PRR5: variants seen among roughly 807,000 people sequenced by gnomAD.
PRR5 encodes proline-rich protein 5.
PRR5 carries 25 observed loss-of-function variants against 30.6 expected under a neutral mutation model. The ratio of observed to expected loss-of-function variants is 0.82; its 90% confidence interval spans 0.60 to 1.14. PRR5 has a LOEUF of 1.14. PRR5 is among the 50% of genes most tolerant of loss of function. PRR5 has a pLI of 0.00. For synonymous variants in PRR5, 286 were observed against 247.1 expected, an observed-to-expected ratio of 1.16 and a Z score of -1.48; for missense variants, 600 against 547.1, an observed-to-expected ratio of 1.10 and a Z score of -0.96.
intron 2 of PRR5, among the ~76,000 whole-genome samples, chr22:44,715,466 G>A (rs1047868183): frequency 6.6e-6 from 1 of 152,216 alleles, no homozygotes; most frequent in African/African-American, 2.4e-5. Context: ...ACCCTGTGTG[G>A]CAAAGCTGAA....
intron 2 of PRR5, among the ~76,000 whole-genome samples, chr22:44,720,588 G>T (rs887465700): frequency 6.6e-6 from 1 of 152,176 alleles, no homozygotes; most frequent in Admixed American, 6.5e-5. Context: ...AGCATTCATT[G>T]TGAGCACCCA....
At chr22:44,673,496 C>T (rs1244933777), upstream of PRR5, among the ~76,000 whole-genome samples, 1 of 152,156 alleles carries the variant, frequency 6.6e-6, no homozygotes, top group Admixed American at 6.5e-5. Flanking sequence ...TTGTACAGAC[C>T]AGGAGGGTAG....
chr22:44,696,411 C>A (rs985257878), intron 1 of PRR5, among the ~76,000 whole-genome samples: 1 of 152,116 alleles, frequency 6.6e-6, no homozygotes, highest in Non-Finnish European at 1.5e-5. Flanking sequence ...CTTTGGAAAC[C>A]GATTGGTGTT....
chr22:44,669,742 G>A (rs1300044318), intron 1 of PRR5, among the ~76,000 whole-genome samples: 1 of 152,206 alleles, frequency 6.6e-6, no homozygotes, highest in Non-Finnish European at 1.5e-5. Context: ...CCAGTGGCAT[G>A]GGTGGGAGTG....
chr22:44,669,078 C>G (rs1381566100), intron 1 of PRR5, among the ~76,000 whole-genome samples: 1 of 150,074 alleles, frequency 6.7e-6, no homozygotes, highest in Non-Finnish European at 1.5e-5. Flanking sequence ...CGGGACCTCC[C>G]GAGCTCGTTC....
chr22:44,713,655 C>T (rs1052417648), intron 1 of PRR5, among the ~76,000 whole-genome samples: 1 of 152,232 alleles, frequency 6.6e-6, no homozygotes, highest in African/African-American at 2.4e-5. Context: ...CGTGAACCGC[C>T]ATGCCCGGCT....
intron 4 of PRR5, chr22:44,730,732 C>T (rs1324010353): frequency 2.2e-6 from 2 of 928,516 alleles, no homozygotes; most frequent in Non-Finnish European, 1.3e-6. Context: ...CCTCTTCTTC[C>T]TTCGACGTGG....
At chr22:44,714,499 CTAGG>C in intron 1 of PRR5, 88 bp from the exon 2 acceptor site, 2 of 1,532,440 alleles carry the variant, frequency 1.3e-6, no homozygotes, top group Non-Finnish European at 1.8e-6. Flanking sequence ...TCCTGCCCTT[CTAGG>C]AGAGAGGGAA....
At chr22:44,702,654 G>C (rs1273555546) in intron 1 of PRR5, 46 bp downstream of exon 1, 1 of 1,263,476 alleles carries the variant, frequency 7.9e-7, no homozygotes, top group Non-Finnish European at 1.0e-6. Flanking sequence ...GGAGCCGGGG[G>C]AGGGGACCCC....
At position 44,737,453 on chromosome 22, in the gene PRR5, C is replaced by G. The variant is rs11912425; in HGVS notation, c.*206C>G. The G allele has an allele frequency of 6.0e-3, 6,779 of 1,132,654 alleles. 315 individuals carry two copies. The African/African-American group carries it at 0.093, about 15-fold the overall frequency. 70.2% of individuals were successfully genotyped at this position (1,132,654 alleles called of 1,614,324 possible). ...CTCGGCCCAGGTCTGTTTCAGGCAT[C>G]TGAGTCGGCGTTTACCCAGGGGCCG... is the stretch of plus-strand genomic sequence containing the variant. On this transcript the variant is annotated 3_prime_UTR_variant, in exon 8 of 8. Coordinates refer to ENST00000336985, the MANE Select transcript of PRR5 (RefSeq NM_181333.4).
chr22:44,679,166 C>T (rs954708162), intron 1 of PRR5, among the ~76,000 whole-genome samples: 13 of 152,168 alleles, frequency 8.5e-5, no homozygotes, highest in African/African-American at 3.1e-4. Context: ...GCAAACGCAG[C>T]ATTTATTCAT....
Position 44,735,132 on chromosome 22 carries a change from G to C in PRR5, c.661G>C (p.Glu221Gln). 6.2e-7 allele frequency: 1 copy of C among 1,613,120 alleles called. No homozygotes were observed. The highest frequency in any genetic ancestry group is 8.5e-7 in the Non-Finnish European group (1 of 1,179,892). Residue 221 changes from glutamate (E) to glutamine (Q), a missense_variant, in exon 7 of 8, where the codon GAG (glutamate) becomes CAG (glutamine). Transcript: ENST00000336985. ...GGGCACCTACGGCCTCCACTCCAGC[G>C]AGGGGCCCTTCACCCATTCCTGCAT... ...YLGTYGLHSSEGPFTHSCILE... is the reference protein window; with the variant it reads ...YLGTYGLHSSQGPFTHSCILE...
At chr22:44,689,667 G>T (rs953388066) in intron 1 of PRR5, among the ~76,000 whole-genome samples, 83 of 152,290 alleles carry the variant, frequency 5.5e-4, no homozygotes, top group African/African-American at 2.0e-3. Flanking sequence ...GTTTTGTTTT[G>T]AGACGGAGTC....
chr22:44,680,549 A>C (rs908571847), intron 1 of PRR5, among the ~76,000 whole-genome samples: 1 of 152,176 alleles, frequency 6.6e-6, no homozygotes, highest in Non-Finnish European at 1.5e-5. Flanking sequence ...CGCTGCCTCC[A>C]TGGAGGTCCC....
chr22:44,715,480 G>T (rs886640525), intron 2 of PRR5, among the ~76,000 whole-genome samples: 1 of 152,198 alleles, frequency 6.6e-6, no homozygotes, highest in African/African-American at 2.4e-5. Flanking sequence ...AGCTGAAGGG[G>T]CCCTTACATG....
chr22:44,669,194 A>G (rs1601937281), intron 1 of PRR5, among the ~76,000 whole-genome samples: 1 of 124,766 alleles, frequency 8.0e-6, no homozygotes, highest in African/African-American at 3.1e-5. Context: ...CCGTGTCCCC[A>G]TCTCCTTCCC....
At chr22:44,668,899 G>A (rs1262075853) in intron 1 of PRR5, 2 of 150,098 alleles carry the variant, frequency 1.3e-5, no homozygotes, top group Admixed American at 1.3e-4. Context: ...GGAAGGGGGG[G>A]CCCCGGGGCG....
chr22:44,731,670 T>G, intron 4 of PRR5, 60 bp from the exon 5 acceptor site: 1 of 1,546,154 alleles, frequency 6.5e-7, no homozygotes, highest in African/African-American at 1.4e-5. Flanking sequence ...CCATCCTGGG[T>G]GAGTGGAGGC....
intron 1 of PRR5, among the ~76,000 whole-genome samples, chr22:44,693,458 CAAA>C (rs1216543034): frequency 1.4e-5 from 2 of 147,764 alleles, no homozygotes; most frequent in Non-Finnish European, 3.0e-5. Flanking sequence ...GACCCTGTCT[CAAA>C]AAAAAAGTGT....
Sources: allele counts gnomAD v4.1 joint callset (sites outside exome capture counted in the v4.1 genomes callset), GRCh38; gene constraint gnomAD v4.1.1; transcripts MANE v1.5; gene names NCBI Gene and HGNC (gene_info 2026-07-23, HGNC 2026-07-21).